PMM2: variants seen among roughly 807,000 people sequenced by gnomAD.
The protein encoded by PMM2 is phosphomannomutase 2.
In PMM2, 35 loss-of-function variants were observed where a neutral mutation model predicts 33.2. That is an observed-to-expected ratio of 1.06 (90% CI 0.81 to 1.40). The LOEUF is 1.40. PMM2 is among the 40% of genes most tolerant of loss of function. The pLI, the probability that PMM2 is intolerant of heterozygous loss-of-function variation, is 0.00. For missense variants in PMM2, 386 were observed against 306.0 expected (o/e 1.26, Z -1.95); for synonymous variants, 153 against 114.7 (o/e 1.33, Z -2.13).
chr16:8,823,749 G>C (rs2060751013), intron 7 of PMM2, among the ~76,000 whole-genome samples: 1 of 152,150 alleles, frequency 6.6e-6, no homozygotes, highest in Non-Finnish European at 1.5e-5. Context: ...ATGGTCCTAA[G>C]ATAATTTGGG....
chr16:8,818,104 A>G (rs2060717949), intron 7 of PMM2, among the ~76,000 whole-genome samples: 1 of 152,082 alleles, frequency 6.6e-6, no homozygotes, highest in Non-Finnish European at 1.5e-5. Context: ...GGGGTTCACC[A>G]TGTTAGCCAG....
chr16:8,829,874 G>A (rs2060799881), intron 7 of PMM2, among the ~76,000 whole-genome samples: 1 of 152,164 alleles, frequency 6.6e-6, no homozygotes, highest in South Asian at 2.1e-4. Flanking sequence ...AGAGTTTCCA[G>A]ACTAAATCAC....
At chr16:8,798,739 T>TC (rs1309394594) in intron 1 of PMM2, among the ~76,000 whole-genome samples, 1 of 152,194 alleles carries the variant, frequency 6.6e-6, no homozygotes, top group African/African-American at 2.4e-5. Flanking sequence ...GGTGAGGCTC[T>TC]CCTGGCCCCT....
At chr16:8,821,842 C>T (rs962346052) in intron 7 of PMM2, among the ~76,000 whole-genome samples, 3 of 152,208 alleles carry the variant, frequency 2.0e-5, no homozygotes, top group Non-Finnish European at 4.4e-5. Flanking sequence ...TGGGCTTGGG[C>T]CATGCCCCAA....
Position 8,847,674 on chromosome 16 carries a change from GC to G in PMM2, c.640-47del, listed in dbSNP as rs761075970. The G allele has an allele frequency of 3.6e-6, 5 of 1,387,004 alleles. No homozygotes were observed. The Admixed American group carries it at 8.4e-5, about 23-fold the overall frequency. The allele number at this position is 1,387,004 out of a possible 1,614,324, so 85.9% of individuals were successfully genotyped here. ...GGACTCCAGGGTCACATCAGCAATG[GC>G]CCGGGACAGACGAGGGGGAGCCTTC... On this transcript the variant is annotated intron_variant, in intron 7 of 7. Transcript: ENST00000268261.
At position 8,807,237 on chromosome 16, in the gene PMM2, C is replaced by A. The variant is rs908845206; in HGVS notation, c.347+830C>A. On this transcript the variant is annotated intron_variant, in intron 4 of 7. Coordinates refer to ENST00000268261, the MANE Select transcript of PMM2 (RefSeq NM_000303.3). ...GGCCAGGCTGATATCGAACTCCCAACCTCAACTGATCCACCCACCTTGGCC... is the reference window on the plus strand; with the variant it reads ...GGCCAGGCTGATATCGAACTCCCAAACTCAACTGATCCACCCACCTTGGCC... Among the ~76,000 whole-genome samples, 7 of 151,106 alleles carry A rather than the reference C, an allele frequency of 4.6e-5. No individual in the cohort carries two copies. The South Asian group carries it at 8.3e-4, about 18-fold the overall frequency.
At chr16:8,832,416 T>TG (rs1476826217) in intron 7 of PMM2, 1 of 985,206 alleles carries the variant, frequency 1.0e-6, no homozygotes, top group African/African-American at 1.7e-5. Flanking sequence ...GCGAGTTACA[T>TG]GCACACAGAT....
chr16:8,819,710 A>T (rs977483059), intron 7 of PMM2, among the ~76,000 whole-genome samples: 3 of 151,014 alleles, frequency 2.0e-5, no homozygotes, highest in African/African-American at 7.3e-5. Flanking sequence ...AAAAAAAAAA[A>T]CAATAAAAAT....
At chr16:8,835,974 T>TTTAG (rs763576010) in intron 7 of PMM2, among the ~76,000 whole-genome samples, 22 of 150,192 alleles carry the variant, frequency 1.5e-4, no homozygotes, top group South Asian at 4.2e-4. Context: ...AAGCAGATAA[T>TTTAG]TTAAAGTGTC....
rs1374728471 is a variant in PMM2 at position 8,847,883 on chromosome 16, C to T, written c.*58C>T. On this transcript the variant is annotated 3_prime_UTR_variant, in exon 8 of 8. Coordinates refer to ENST00000268261, the MANE Select transcript of PMM2 (RefSeq NM_000303.3). The stretch of plus-strand genomic sequence containing the variant: ...CAAGCCAGCATAGGGCATTCGGTGG[C>T]CAGAGCCGAGGGTCCTCCCACACGT... 81 of 1,357,070 alleles carry T rather than the reference C, an allele frequency of 6.0e-5. No individual in the cohort carries two copies. Among genetic ancestry groups the T allele is most frequent in the Non-Finnish European group, 3.2e-5 (31 of 956,206 alleles). 84.1% of individuals were successfully genotyped at this position (1,357,070 alleles called of 1,614,324 possible).
intron 7 of PMM2, among the ~76,000 whole-genome samples, chr16:8,835,258 G>C (rs12927499): frequency 6.6e-6 from 1 of 150,908 alleles, no homozygotes. Flanking sequence ...GTTTTGTAAG[G>C]GATTGAGGTT....
chr16:8,822,196 G>A (rs889112186), intron 7 of PMM2, among the ~76,000 whole-genome samples: 8 of 152,188 alleles, frequency 5.3e-5, no homozygotes, highest in African/African-American at 1.4e-4. Context: ...ATAGGGGGTG[G>A]AAGTGAGTTT....
chr16:8,834,897 A>G (rs569743549), intron 7 of PMM2, among the ~76,000 whole-genome samples: 1 of 152,280 alleles, frequency 6.6e-6, no homozygotes, highest in Non-Finnish European at 1.5e-5. Context: ...TATCAGGAAT[A>G]ATGTGGGAGG....
intron 7 of PMM2, among the ~76,000 whole-genome samples, chr16:8,828,488 T>C (rs891990451): frequency 1.3e-5 from 2 of 152,166 alleles, no homozygotes; most frequent in Non-Finnish European, 2.9e-5. Flanking sequence ...TCCAGGACTT[T>C]ACTCAAGATA....
At chr16:8,805,389 A>T (rs2141019458) in intron 3 of PMM2, among the ~76,000 whole-genome samples, 1 of 152,004 alleles carries the variant, frequency 6.6e-6, no homozygotes, top group Middle Eastern at 3.4e-3. Context: ...TTTTAAAAAG[A>T]TGGGGTCTTG....
chr16:8,843,572 G>A (rs953615060), intron 7 of PMM2, among the ~76,000 whole-genome samples: 7 of 152,240 alleles, frequency 4.6e-5, no homozygotes, highest in African/African-American at 1.7e-4. Flanking sequence ...GGTTCTGGAG[G>A]AACGCCTGGC....
intron 7 of PMM2, among the ~76,000 whole-genome samples, chr16:8,820,545 G>C (rs1283052623): frequency 6.6e-6 from 1 of 152,044 alleles, no homozygotes; most frequent in Non-Finnish European, 1.5e-5. Context: ...GTAGAGACGG[G>C]GTTTCACCAT....
intron 7 of PMM2, among the ~76,000 whole-genome samples, chr16:8,815,336 T>A (rs899554929): frequency 1.3e-5 from 2 of 151,862 alleles, no homozygotes; most frequent in African/African-American, 4.8e-5. Flanking sequence ...CAAGTGATTC[T>A]CGTGCCTCAG....
At chr16:8,813,882 T>C (rs941499077) in intron 7 of PMM2, among the ~76,000 whole-genome samples, 12 of 80,208 alleles carry the variant, frequency 1.5e-4, no homozygotes, top group South Asian at 4.9e-4. Flanking sequence ...TTTTTTTTTT[T>C]CTGAGACAGA....
Sources: allele counts gnomAD v4.1 joint callset (sites outside exome capture counted in the v4.1 genomes callset), GRCh38; gene constraint gnomAD v4.1.1; transcripts MANE v1.5; gene names NCBI Gene and HGNC (gene_info 2026-07-23, HGNC 2026-07-21).